Variants in TNRC18 observed in about 807,000 individuals in gnomAD.
The protein encoded by TNRC18 is trinucleotide repeat-containing gene 18 protein.
In TNRC18, 69 loss-of-function variants were observed where a neutral mutation model predicts 226.7. That is an observed-to-expected ratio of 0.30 (90% CI 0.25 to 0.37). The LOEUF is 0.37. TNRC18 is among the 10% of genes least tolerant of loss of function. The pLI, the probability that TNRC18 is intolerant of heterozygous loss-of-function variation, is 1.00. For missense variants in TNRC18, 4,754 were observed against 4,256.6 expected (o/e 1.12, Z -3.25); for synonymous variants, 2,449 against 1,927.6 (o/e 1.27, Z -7.09).
At chr7:5,415,660 C>A (rs966588758) in intron 2 of TNRC18, among the ~76,000 whole-genome samples, 1 of 151,054 alleles carries the variant, frequency 6.6e-6, no homozygotes, top group Non-Finnish European at 1.5e-5. Flanking sequence ...GGATCACAGG[C>A]GTGAGCCACC....
chr7:5,383,776 G>A (rs1004944247), intron 5 of TNRC18, among the ~76,000 whole-genome samples: 2 of 151,768 alleles, frequency 1.3e-5, no homozygotes, highest in South Asian at 2.1e-4. Context: ...TTTAAGGAGA[G>A]AAAGAATCCA....
chr7:5,391,032 T>TA (rs1179763342), intron 3 of TNRC18, among the ~76,000 whole-genome samples: 2 of 152,208 alleles, frequency 1.3e-5, no homozygotes, highest in African/African-American at 4.8e-5. Context: ...CCCAAGACGA[T>TA]ACAGCAGAGC....
At chr7:5,345,517 G>GGGGGGCGCCCCCCCCCCCCCCCCCC in intron 18 of TNRC18, 45 bp downstream of exon 18, 1 of 377,744 alleles carries the variant, frequency 2.6e-6, no homozygotes, top group Non-Finnish European at 4.8e-6. Context: ...AATGGCGTCC[G>GGGGGGCGCCCCCCCCCCCCCCCCCC]CCCCTCCCAC....
intron 2 of TNRC18, among the ~76,000 whole-genome samples, chr7:5,419,319 G>A (rs925291136): frequency 3.9e-4 from 59 of 152,352 alleles, no homozygotes; most frequent in African/African-American, 1.4e-3. Flanking sequence ...CGCAGGCGGG[G>A]AGTGCGCGAC....
intron 2 of TNRC18, among the ~76,000 whole-genome samples, chr7:5,397,485 C>T (rs1435178638): frequency 1.3e-5 from 2 of 152,168 alleles, no homozygotes; most frequent in African/African-American, 4.8e-5. Context: ...GCGGGGCAGC[C>T]GGGAACCCCC....
intron 16 of TNRC18, among the ~76,000 whole-genome samples, chr7:5,352,992 C>T (rs1031059951): frequency 2.0e-5 from 3 of 152,342 alleles, no homozygotes; most frequent in Non-Finnish European, 4.4e-5. Context: ...ACCACATGCA[C>T]GCATCCGTGG....
chr7:5,356,305 G>A lies in TNRC18; in HGVS notation c.5194+611C>T, dbSNP rs368314231. On this transcript the variant is annotated intron_variant, in intron 16 of 29. Transcript: ENST00000430969. ...ACCCGAGCGCACACACTCCCCTCTG[G>A]CTCTCGGGCCACATCATCCCCAGTA... 2.2e-4 allele frequency among the ~76,000 whole-genome samples: 33 copies of A among 152,200 alleles called. No homozygotes were observed. In the East Asian group the frequency reaches 5.6e-3, roughly 26 times the overall value.
In TNRC18 at chr7:5,370,922, C is replaced by T. The variant is rs1171995404; in HGVS notation, c.3672G>A (p.Glu1224=). 6.2e-7 allele frequency: 1 copy of T among 1,605,562 alleles called. No homozygotes were observed. Among genetic ancestry groups the T allele is most frequent in the Non-Finnish European group, 8.5e-7 (1 of 1,179,728 alleles). ...GGGAATCCACCCGTGGTTCAGGCCC[C>T]TCCACAAAGTCTGGACACTCAGAGG... ...AEPSECPDFV[E]GPEPRVDSPG... The change falls in exon 11 of 30, where the codon GAG becomes GAA. Residue 1224 remains glutamate, a synonymous_variant. Transcript: ENST00000430969.
At chr7:5,376,280 CCA>C in intron 8 of TNRC18, 56 bp from the exon 9 acceptor site, 1 of 1,365,498 alleles carries the variant, frequency 7.3e-7, no homozygotes, top group Non-Finnish European at 9.6e-7. Flanking sequence ...ACCACCATGC[CCA>C]TTACGAGGGG....
At chr7:5,407,808 C>A (rs1056607037) in intron 2 of TNRC18, among the ~76,000 whole-genome samples, 1 of 152,164 alleles carries the variant, frequency 6.6e-6, no homozygotes, top group East Asian at 1.9e-4. Flanking sequence ...TGGTTTCCCC[C>A]CTACCGAGAC....
intron 19 of TNRC18, 118 bp from the exon 20 acceptor site, chr7:5,325,366 G>T: frequency 2.5e-6 from 3 of 1,189,824 alleles, no homozygotes; most frequent in Non-Finnish European, 3.5e-6. Context: ...CGCCCTCCCA[G>T]GAGGAACAAA....
At chr7:5,332,596 G>T in intron 19 of TNRC18, 26 bp downstream of exon 19, 1 of 1,508,876 alleles carries the variant, frequency 6.6e-7, no homozygotes. Context: ...CCCTTCTGCG[G>T]CACCCCCTCC....
chr7:5,356,879 G>A (rs1276624867), intron 16 of TNRC18, 37 bp downstream of exon 16: 3 of 1,487,058 alleles, frequency 2.0e-6, no homozygotes, highest in East Asian at 2.5e-5. Flanking sequence ...AAGGAGAGAA[G>A]CAGCGGACCA....
intron 16 of TNRC18, 117 bp downstream of exon 16, chr7:5,356,799 A>C (rs1449678145): frequency 1.5e-6 from 2 of 1,365,124 alleles, no homozygotes; most frequent in African/African-American, 1.5e-5. Flanking sequence ...CGCCCCAGAG[A>C]GAGAGCGAGA....
chr7:5,350,745 A>G (rs1297751137), intron 17 of TNRC18, among the ~76,000 whole-genome samples: 1 of 152,246 alleles, frequency 6.6e-6, no homozygotes, highest in Non-Finnish European at 1.5e-5. Context: ...GGGCAAGGCC[A>G]GCGGGTTCTC....
Position 5,315,253 on chromosome 7 carries a change from C to T in TNRC18, c.6863-105G>A, listed in dbSNP as rs1216438848. The T allele has an allele frequency of 1.8e-5, 23 of 1,281,424 alleles. No individual in the cohort carries two copies. The East Asian group carries it at 2.6e-4, about 15-fold the overall frequency. 79.4% of individuals were successfully genotyped at this position (1,281,424 alleles called of 1,614,324 possible). On this transcript the variant is annotated intron_variant, in intron 25 of 29. Transcript: ENST00000430969. ...GATCAGGGATGGGGGCGGAAGCAAC[C>T]GACACCAGGTGGCTGACCCCGGATG...
intron 5 of TNRC18, among the ~76,000 whole-genome samples, chr7:5,379,932 C>A (rs530372208): frequency 6.6e-6 from 1 of 152,314 alleles, no homozygotes; most frequent in East Asian, 1.9e-4. Flanking sequence ...TCAGCCACCC[C>A]CAAGGGCCCA....
At chr7:5,365,536 C>G (rs1326132873) in intron 11 of TNRC18, among the ~76,000 whole-genome samples, 3 of 152,206 alleles carry the variant, frequency 2.0e-5, no homozygotes, top group African/African-American at 7.2e-5. Context: ...TCCCCCTACC[C>G]TCCAGGAAGG....
intron 4 of TNRC18, chr7:5,390,259 G>C (rs553756501): frequency 2.9e-5 from 16 of 559,154 alleles, no homozygotes; most frequent in Middle Eastern, 9.3e-4. Flanking sequence ...CAGCTACTTG[G>C]GGGGCTGAGT....
Sources: allele counts gnomAD v4.1 joint callset (sites outside exome capture counted in the v4.1 genomes callset), GRCh38; gene constraint gnomAD v4.1.1; transcripts MANE v1.5; gene names NCBI Gene and HGNC (gene_info 2026-07-23, HGNC 2026-07-21).